The following MCRS1 variants were observed in gnomAD, a reference collection of about 807,000 sequenced individuals.
MCRS1 encodes microspherule protein 1, also known as 58 kDa microspherule protein.
In MCRS1, 22 loss-of-function variants were observed where a neutral mutation model predicts 62.9. That is an observed-to-expected ratio of 0.35 (90% CI 0.25 to 0.50). The LOEUF (loss-of-function observed/expected upper bound fraction) is 0.50. MCRS1 is among the 20% of genes least tolerant of loss of function. MCRS1 has a pLI of 0.98. For synonymous variants in MCRS1, 244 were observed against 233.5 expected (o/e 1.04, Z -0.41); for missense variants, 456 against 601.1 (o/e 0.76, Z 2.52).
At position 49,562,359 on chromosome 12, in the gene MCRS1, C is replaced by T. The variant is rs116922894; in HGVS notation, c.805+642G>A. ...CCAGTTTAATCACACTGTTTTCTTACCCCATCACTGGGAGAGTGAGTGCTG... is the reference window on the plus strand; with the variant it reads ...CCAGTTTAATCACACTGTTTTCTTATCCCATCACTGGGAGAGTGAGTGCTG... On this transcript the variant is annotated intron_variant, in intron 8 of 14. Coordinates refer to ENST00000343810, the MANE Select transcript of MCRS1 (RefSeq NM_006337.5). Among the ~76,000 whole-genome samples the T allele has an allele frequency of 1.3e-3, 194 of 152,320 alleles. 3 individuals carry two copies. In the East Asian group the frequency reaches 0.035, roughly 28 times the overall value.
chr12:49,563,290 C>G (rs989277668), intron 7 of MCRS1, 148 bp downstream of exon 7: 2 of 1,397,728 alleles, frequency 1.4e-6, no homozygotes, highest in African/African-American at 2.9e-5. Context: ...TCCTGAGGCC[C>G]CTGTCACAAA....
In MCRS1 at chr12:49,562,996, G is replaced by A. The variant is rs532418615; in HGVS notation, c.805+5C>T. 67 of 1,599,728 alleles carry A rather than the reference G, an allele frequency of 4.2e-5. No homozygotes were observed. The highest frequency in any genetic ancestry group is 3.9e-4 in the Admixed American group (23 of 58,984). The stretch of plus-strand genomic sequence containing the variant: ...CCCCCATTCTGCCAGCTCCTGGGGC[G>A]TTACCTGTCTGGTCCTCCAGCAGGT... On this transcript the variant is annotated splice_donor_5th_base_variant and intron_variant, in intron 8 of 14. Transcript: ENST00000343810.
At chr12:49,560,441 C>CAT in intron 8 of MCRS1, 71 bp from the exon 9 acceptor site, 1 of 1,406,898 alleles carries the variant, frequency 7.1e-7, no homozygotes, top group Non-Finnish European at 1.0e-6. Flanking sequence ...GACCACTAAG[C>CAT]CAAGTGGACC....
chr12:49,559,921 C>T lies in MCRS1; in HGVS notation c.910+18G>A. 1 of 1,614,164 alleles carries T rather than the reference C, an allele frequency of 6.2e-7. No homozygotes were observed. Among genetic ancestry groups the T allele is most frequent in the Non-Finnish European group, 8.5e-7 (1 of 1,180,012 alleles). ...CAGGAGCTTCCATCCCCTCACCACC[C>T]CATGAGGCCATACTTACCATGTTCC... is the stretch of plus-strand genomic sequence containing the variant. On this transcript the variant is annotated intron_variant, in intron 10 of 14. Transcript: ENST00000343810. This position sits in a 1 kb window ranked among gnomAD's most constrained non-coding sequence, Gnocchi z 5.2.
chr12:49,564,332 C>A, intron 6 of MCRS1, 149 bp downstream of exon 6: 1 of 615,064 alleles, frequency 1.6e-6, no homozygotes, highest in Non-Finnish European at 2.8e-6. Flanking sequence ...CTCTTTGAAG[C>A]CTCTCAGGCC....
chr12:49,566,439 T>C (rs755391292), intron 2 of MCRS1: 44 of 1,571,942 alleles, frequency 2.8e-5, no homozygotes, highest in Non-Finnish European at 3.8e-5. Flanking sequence ...CCACGTGTCA[T>C]GTCGTGCAGC....
At position 49,559,408 on chromosome 12, in the gene MCRS1, G is replaced by A. The variant is rs774469744; in HGVS notation, c.1086+45C>T. On this transcript the variant is annotated intron_variant, in intron 12 of 14. Coordinates refer to ENST00000343810, the MANE Select transcript of MCRS1 (RefSeq NM_006337.5). The surrounding 1 kb of genome is among the most constrained non-coding windows in gnomAD (Gnocchi z 5.2). ...CAAGGACTACGCAGAGAAAGGCACTGACAGAGGAAGCAGCCTAAGAAGGGC... is the reference window on the plus strand; with the variant it reads ...CAAGGACTACGCAGAGAAAGGCACTAACAGAGGAAGCAGCCTAAGAAGGGC... The A allele has an allele frequency of 3.1e-6, 5 of 1,611,920 alleles. No homozygotes were observed. The highest frequency in any genetic ancestry group is 4.2e-6 in the Non-Finnish European group (5 of 1,178,090).
Position 49,563,076 on chromosome 12 carries a change from G to C in MCRS1, c.730C>G (p.Leu244Val). The stretch of plus-strand genomic sequence containing the variant: ...TGCAGGGCCTTCGCGGTACGGGCCA[G>C]GTAGAAGGCATCAGGGTGTCTGTGC... ...LLHRHPDAFY[L>V]ARTAKALQAH... Residue 244 changes from leucine to valine, a missense_variant, in exon 8 of 15, where the codon CTG becomes GTG. This residue lies in a region of MCRS1 where 393 missense variants were observed against 523.5 expected (regional missense o/e 0.75). Coordinates refer to ENST00000343810, the MANE Select transcript of MCRS1 (RefSeq NM_006337.5). 1 of 1,573,852 alleles carries C rather than the reference G, an allele frequency of 6.4e-7. No homozygotes were observed. The highest frequency in any genetic ancestry group is 2.3e-5 in the East Asian group (1 of 43,124).
chr12:49,561,690 C>T (rs992778149), intron 8 of MCRS1, among the ~76,000 whole-genome samples: 1 of 152,184 alleles, frequency 6.6e-6, no homozygotes, highest in Non-Finnish European at 1.5e-5. Context: ...AGTGCAGTAG[C>T]GCGATCTTGG....
At chr12:49,564,445 A>T in intron 6 of MCRS1, 36 bp downstream of exon 6, 1 of 1,564,794 alleles carries the variant, frequency 6.4e-7, no homozygotes, top group East Asian at 2.3e-5. Context: ...CTGGTGTCCC[A>T]GTACCTCCCC....
intron 3 of MCRS1, 113 bp from the exon 4 acceptor site, chr12:49,565,780 T>C: frequency 6.8e-7 from 1 of 1,473,092 alleles, no homozygotes; most frequent in African/African-American, 1.4e-5. Flanking sequence ...TGCTCCAGCC[T>C]GCTTTCACTT....
intron 8 of MCRS1, 21 bp from the exon 9 acceptor site, chr12:49,560,391 G>T (rs1163108625): frequency 1.9e-6 from 3 of 1,612,320 alleles, no homozygotes; most frequent in Non-Finnish European, 2.5e-6. Flanking sequence ...GACAGAGAAA[G>T]CGTGAGCACC....
intron 2 of MCRS1, 144 bp downstream of exon 2, chr12:49,566,578 G>A: frequency 6.8e-7 from 1 of 1,480,090 alleles, no homozygotes; most frequent in Non-Finnish European, 9.3e-7. Flanking sequence ...CTGTGGCTCT[G>A]CCGACAGGTA....
intron 8 of MCRS1, among the ~76,000 whole-genome samples, chr12:49,561,762 G>C (rs1938783385): frequency 6.6e-6 from 1 of 152,184 alleles, no homozygotes; most frequent in African/African-American, 2.4e-5. Context: ...CTGAGTAGCT[G>C]GGATTACAGG....
At position 49,558,835 on chromosome 12, in the gene MCRS1, C is replaced by T; in HGVS notation, c.1302+8G>A. ...CATCCTGGCCTTCCTGCCTCCTCCC[C>T]AGCTCACCTCCACCACAGAGTTGTT... On this transcript the variant is annotated splice_region_variant and intron_variant, in intron 14 of 14. Transcript: ENST00000343810. 6.2e-7 allele frequency: 1 copy of T among 1,613,242 alleles called. No individual in the cohort carries two copies.
intron 8 of MCRS1, among the ~76,000 whole-genome samples, chr12:49,560,841 T>G (rs1274480934): frequency 2.0e-5 from 3 of 152,172 alleles, no homozygotes; most frequent in African/African-American, 7.2e-5. Context: ...TGTGAGGGGC[T>G]GGGAGGCACC....
chr12:49,566,944 G>C, intron 1 of MCRS1, 103 bp from the exon 2 acceptor site: 1 of 621,094 alleles, frequency 1.6e-6, no homozygotes, highest in Non-Finnish European at 2.8e-6. Flanking sequence ...AGCTAGGGAA[G>C]ACATAAGGAC....
chr12:49,564,125 T>C (rs368266441), intron 6 of MCRS1, among the ~76,000 whole-genome samples: 24 of 152,226 alleles, frequency 1.6e-4, no homozygotes, highest in African/African-American at 5.5e-4. Context: ...GATGAAACTG[T>C]AGGAGGTCAA....
chr12:49,564,685 G>A (rs371399995), intron 5 of MCRS1, 52 bp downstream of exon 5: 41 of 1,602,326 alleles, frequency 2.6e-5, no homozygotes, highest in Admixed American at 5.0e-5. Context: ...TTTGGGGTGC[G>A]AACTGGAGGT....
Sources: gnomAD v4.1 joint callset for allele counts (sites outside exome capture counted in the v4.1 genomes callset) on GRCh38, gnomAD v4.1.1 for gene constraint, gnomAD v4.1.1 regional missense constraint, Gnocchi (gnomAD v3.1) non-coding constraint, MANE v1.5 for transcripts, NCBI Gene and HGNC (gene_info 2026-07-23, HGNC 2026-07-21) for gene names.